The following TMEM269 variants were observed in gnomAD, a reference collection of about 807,000 sequenced individuals.
The protein encoded by TMEM269 is transmembrane protein 269.
A neutral mutation model predicts 15.8 loss-of-function variants in TMEM269; 12 were observed. That is an observed-to-expected ratio of 0.76 (90% CI 0.49 to 1.23). The LOEUF (loss-of-function observed/expected upper bound fraction) is 1.23. TMEM269 is among the 50% of genes most tolerant of loss of function. TMEM269 has a pLI of 0.00. For missense variants in TMEM269, 211 were observed against 245.4 expected (o/e 0.86, Z 0.94); for synonymous variants, 93 against 99.3 (o/e 0.94, Z 0.38).
intron 3 of TMEM269, 55 bp downstream of exon 3, chr1:42,792,957 T>G: frequency 7.2e-7 from 1 of 1,380,690 alleles, no homozygotes; most frequent in Non-Finnish European, 1.0e-6. Context: ...CCATCTGGGG[T>G]CACCCCTTCG....
chr1:42,792,923 C>G, intron 3 of TMEM269, 21 bp downstream of exon 3: 2 of 1,534,458 alleles, frequency 1.3e-6, no homozygotes, highest in Non-Finnish European at 1.8e-6. Flanking sequence ...GCCCCAGGCC[C>G]CTAATCCTTG....
At chr1:42,795,294 C>G (rs1653772721) in intron 5 of TMEM269, among the ~76,000 whole-genome samples, 1 of 152,168 alleles carries the variant, frequency 6.6e-6, no homozygotes, top group African/African-American at 2.4e-5. Context: ...CTGAAACTTG[C>G]TGAGACAGCC....
intron 3 of TMEM269, 127 bp downstream of exon 3, chr1:42,793,029 G>GAGCAGC (rs746071943): frequency 2.7e-6 from 2 of 748,586 alleles, no homozygotes; most frequent in Non-Finnish European, 4.6e-6. Context: ...ACCCCGCTGA[G>GAGCAGC]AGCAGCAGCA....
At chr1:42,795,704 TC>T (rs1244068614) in intron 5 of TMEM269, among the ~76,000 whole-genome samples, 1 of 152,160 alleles carries the variant, frequency 6.6e-6, no homozygotes, top group Non-Finnish European at 1.5e-5. Flanking sequence ...CCCTAGAGCT[TC>T]CCCTGATTTA....
chr1:42,785,350 A>C (rs554906356), intron 1 of TMEM269, among the ~76,000 whole-genome samples: 1 of 152,076 alleles, frequency 6.6e-6, no homozygotes, highest in Admixed American at 6.5e-5. Context: ...TGCCTGTGCC[A>C]CGCGTGTCGC....
intron 4 of TMEM269, 35 bp downstream of exon 4, chr1:42,793,779 C>A: frequency 6.5e-7 from 1 of 1,540,866 alleles, no homozygotes; most frequent in Non-Finnish European, 8.8e-7. Context: ...GAACAGAGGG[C>A]AGGGGAGCAC....
At chr1:42,794,731 A>T in intron 5 of TMEM269, 118 bp downstream of exon 5, 2 of 733,716 alleles carry the variant, frequency 2.7e-6, no homozygotes, top group South Asian at 3.6e-5. Flanking sequence ...TAGAACTGAT[A>T]ATCATCTGAC....
chr1:42,789,645 A>G (rs894071622), intron 1 of TMEM269, among the ~76,000 whole-genome samples, 151 bp from the exon 2 acceptor site: 3 of 152,126 alleles, frequency 2.0e-5, no homozygotes, highest in Admixed American at 6.5e-5. Context: ...AGTCTCCTTC[A>G]TCTACCTCCT....
chr1:42,789,485 A>G (rs558167839), intron 1 of TMEM269: 7 of 1,535,508 alleles, frequency 4.6e-6, no homozygotes, highest in Admixed American at 2.0e-5. Flanking sequence ...GCTTCAGGAG[A>G]GTCAGCATAT....
At chr1:42,796,166 G>A (rs971968097) in intron 5 of TMEM269, among the ~76,000 whole-genome samples, 2 of 152,184 alleles carry the variant, frequency 1.3e-5, no homozygotes, top group Admixed American at 1.3e-4. Context: ...TGGCACAGAT[G>A]TGTCCATTTC....
chr1:42,789,512 T>A, intron 1 of TMEM269: 1 of 1,534,520 alleles, frequency 6.5e-7, no homozygotes, highest in Non-Finnish European at 8.7e-7. Context: ...GAGGGATGTC[T>A]GTGCTGTGGG....
intron 5 of TMEM269, among the ~76,000 whole-genome samples, chr1:42,795,678 G>A (rs911148078): frequency 1.3e-5 from 2 of 152,150 alleles, no homozygotes; most frequent in Non-Finnish European, 2.9e-5. Flanking sequence ...GTCACACTGG[G>A]GCCTTGCAGA....
intron 1 of TMEM269, among the ~76,000 whole-genome samples, chr1:42,787,463 G>A (rs950291114): frequency 4.6e-5 from 7 of 151,522 alleles, no homozygotes; most frequent in Non-Finnish European, 8.8e-5. Context: ...AGCCGGGCGC[G>A]GTGGCGGGCG....
At chr1:42,789,774 G>T (rs756028109) in intron 1 of TMEM269, 22 bp from the exon 2 acceptor site, 1 of 1,341,724 alleles carries the variant, frequency 7.5e-7, no homozygotes, top group Non-Finnish European at 1.0e-6. Context: ...GGAACCCTTC[G>T]CCCCTCTCTC....
rs188659376 is a variant in TMEM269, at chr1:42,788,630, C to T, written c.-98-1166C>T. Among the ~76,000 whole-genome samples, 1 of 152,302 alleles carries T rather than the reference C, an allele frequency of 6.6e-6. No individual in the cohort carries two copies. The highest frequency in any genetic ancestry group is 6.5e-5 in the Admixed American group (1 of 15,298). ...ACACACACAGGGAGGCTGCTGCTGCCTCGCAGGCCTGGCCATTGAGCTCGT... is the reference window on the plus strand; with the variant it reads ...ACACACACAGGGAGGCTGCTGCTGCTTCGCAGGCCTGGCCATTGAGCTCGT... On this transcript the variant is annotated intron_variant, in intron 1 of 5. Transcript: ENST00000637012. This position sits in a 1 kb window ranked among gnomAD's most constrained non-coding sequence, Gnocchi z 4.0.
chr1:42,793,665 C>A lies in TMEM269; in HGVS notation c.204C>A (p.Gly68=). The A allele has an allele frequency of 6.4e-7, 1 of 1,550,602 alleles. No individual in the cohort carries two copies. The highest frequency in any genetic ancestry group is 2.4e-5 in the East Asian group (1 of 40,912). The change falls in exon 4 of 6, where the codon GGC becomes GGA. Residue 68 remains glycine (G), a synonymous_variant. Transcript: ENST00000637012. ...TFGLASALLL[G]VDGLLSGILA... is the part of the protein sequence containing the mutation. ...GCTTGGCCTCCGCTCTGCTCCTAGG[C>A]GTGGATGGACTTCTGAGTGGGATCC...
At position 42,800,295 on chromosome 1, in the gene TMEM269, G is replaced by A. The variant is rs185872666; in HGVS notation, c.*2070G>A. The A allele has an allele frequency of 1.4e-4, 22 of 152,320 alleles. No homozygotes were observed. Among genetic ancestry groups the A allele is most frequent in the Non-Finnish European group, 2.9e-4 (20 of 68,036 alleles). 9.4% of individuals were successfully genotyped at this position (152,320 alleles called of 1,614,324 possible). The stretch of plus-strand genomic sequence containing the variant: ...TATGCTTCCTTGCACCTCTCTGAGA[G>A]TATGGTTATACTTCTATACGGGCTT... On this transcript the variant is annotated 3_prime_UTR_variant, in exon 6 of 6. Coordinates refer to ENST00000637012, the MANE Select transcript of TMEM269 (RefSeq NM_001354602.2).
At chr1:42,798,046 CA>C in intron 5 of TMEM269, 51 bp from the exon 6 acceptor site, 1 of 1,548,318 alleles carries the variant, frequency 6.5e-7, no homozygotes, top group Non-Finnish European at 8.7e-7. Flanking sequence ...GGGTAGAAAG[CA>C]TAGAAGACAG....
rs1344014855 is a variant in TMEM269 at position 42,792,836 on chromosome 1, G to C, written c.73G>C (p.Val25Leu). The change falls in exon 3 of 6, where the codon GTC (valine) becomes CTC (leucine). Residue 25 changes from valine to leucine, a missense_variant. Coordinates refer to ENST00000637012, the MANE Select transcript of TMEM269 (RefSeq NM_001354602.2). ...KCHYASRMLL[V>L]SFLLDMAVRA... is the part of the protein sequence containing the mutation. ...CCACTATGCCTCCCGGATGCTCCTG[G>C]TCAGCTTCCTGTTAGACATGGCAGT... 1 of 1,550,482 alleles carries C rather than the reference G, an allele frequency of 6.4e-7. No homozygotes were observed. The highest frequency in any genetic ancestry group is 8.7e-7 in the Non-Finnish European group (1 of 1,147,018).
Sources: allele counts gnomAD v4.1 joint callset (sites outside exome capture counted in the v4.1 genomes callset), GRCh38; gene constraint gnomAD v4.1.1; non-coding constraint Gnocchi (gnomAD v3.1); transcripts MANE v1.5; gene names NCBI Gene and HGNC (gene_info 2026-07-23, HGNC 2026-07-21).